Variants in IDUA observed in about 807,000 individuals in gnomAD.
The protein encoded by IDUA is alpha-L-iduronidase, also known as iduronidase alpha-L-.
IDUA carries 65 observed loss-of-function variants against 68.9 expected under a neutral mutation model. That is an observed-to-expected ratio of 0.94 (90% CI 0.77 to 1.16). IDUA has a LOEUF of 1.16. IDUA is among the 50% of genes most tolerant of loss of function. The probability of loss-of-function intolerance (pLI) is 0.00; values close to 1 mark genes in which losing one functional copy is unlikely to be tolerated. For synonymous variants in IDUA, 529 were observed against 433.6 expected (o/e 1.22, Z -2.73); for missense variants, 1,046 against 938.0 (o/e 1.12, Z -1.50).
chr4:998,986 C>G (rs561033169), intron 2 of IDUA, among the ~76,000 whole-genome samples: 1 of 151,986 alleles, frequency 6.6e-6, no homozygotes, highest in African/African-American at 2.4e-5. Context: ...GGGCGGATCA[C>G]GAGGTCAGGA....
intron 2 of IDUA, chr4:991,731 C>T (rs1315552290): frequency 6.5e-7 from 1 of 1,529,570 alleles, no homozygotes; most frequent in South Asian, 1.2e-5. Flanking sequence ...CGTGGCCGAC[C>T]TGCGGCCGAG....
intron 1 of IDUA, 42 bp downstream of exon 1, chr4:987,284 G>GA (rs1377297815): frequency 8.0e-6 from 12 of 1,499,214 alleles, no homozygotes; most frequent in Non-Finnish European, 1.1e-5. Context: ...GCCGCACGGG[G>GA]AGAGCTCGGG....
At chr4:991,527 C>G (rs1387025958) in intron 2 of IDUA, 1 of 1,606,816 alleles carries the variant, frequency 6.2e-7, no homozygotes, top group Non-Finnish European at 8.5e-7. Context: ...ACTGACGCAG[C>G]CAGCGCGTGG....
chr4:988,888 A>C, intron 2 of IDUA: 1 of 1,602,226 alleles, frequency 6.2e-7, no homozygotes, highest in Admixed American at 1.7e-5. Context: ...TGCTGTCTGC[A>C]CGGCATCGTG....
At chr4:988,982 C>T in intron 2 of IDUA, 1 of 1,595,080 alleles carries the variant, frequency 6.3e-7, no homozygotes, top group Non-Finnish European at 8.5e-7. Flanking sequence ...ATGTCTCTCA[C>T]AGGCGGGCTG....
chr4:1,002,919 G>A lies in IDUA; in HGVS notation c.1377G>A (p.Arg459=). The A allele has an allele frequency of 2.9e-6, 4 of 1,367,702 alleles. No individual in the cohort carries two copies. In the South Asian group the frequency reaches 5.2e-5, roughly 18 times the overall value. The allele number at this position is 1,367,702 out of a possible 1,614,324, so 84.7% of individuals were successfully genotyped here. ...ACCGCAGCGTCGCGGTGACCCTGCG[G>A]CTGCGCGGGGTGCCCCCCGGCCCGG... ...HPNRSVAVTL[R]LRGVPPGPGL... The change falls in exon 9 of 14, where the codon CGG becomes CGA. Residue 459 remains arginine, a synonymous_variant. Transcript: ENST00000514224.
chr4:991,343 C>T (rs1370231690), intron 2 of IDUA: 2 of 1,612,772 alleles, frequency 1.2e-6, no homozygotes, highest in Non-Finnish European at 1.7e-6. Flanking sequence ...CCCACGGAGA[C>T]ATGCCGTGAG....
chr4:990,528 T>A, intron 2 of IDUA: 1 of 672,450 alleles, frequency 1.5e-6, no homozygotes. Flanking sequence ...GCCTGAGTTC[T>A]GGTTCCACGC....
intron 2 of IDUA, chr4:988,836 C>A: frequency 1.9e-6 from 3 of 1,591,410 alleles, no homozygotes; most frequent in Non-Finnish European, 2.6e-6. Context: ...GGCCCTGCTA[C>A]AGATGGGCAT....
At chr4:998,783 A>ACCCCCCCCCCCCCCC (rs148444493) in intron 2 of IDUA, among the ~76,000 whole-genome samples, 1 of 120,752 alleles carries the variant, frequency 8.3e-6, no homozygotes, top group African/African-American at 3.3e-5. Flanking sequence ...CGACCCCCCG[A>ACCCCCCCCCCCCCCC]CCCCCCACCT....
At chr4:1,000,741 G>A in intron 3 of IDUA, 44 bp downstream of exon 3, 1 of 1,518,720 alleles carries the variant, frequency 6.6e-7, no homozygotes, top group Non-Finnish European at 9.1e-7. Flanking sequence ...GCACCCCCTT[G>A]CCCTGCCCAC....
chr4:987,387 T>G, intron 1 of IDUA, 145 bp downstream of exon 1: 1 of 882,094 alleles, frequency 1.1e-6, no homozygotes, highest in Non-Finnish European at 1.6e-6. Flanking sequence ...GCCGTGTTTG[T>G]GGGTGGGTCC....
chr4:989,693 T>C (rs1212494075), intron 2 of IDUA: 3 of 1,562,270 alleles, frequency 1.9e-6, no homozygotes, highest in South Asian at 2.4e-5. Flanking sequence ...CTGACCACGC[T>C]GGACAGCTGT....
At chr4:993,773 C>T (rs937494496) in intron 2 of IDUA, among the ~76,000 whole-genome samples, 5 of 152,206 alleles carry the variant, frequency 3.3e-5, no homozygotes, top group African/African-American at 4.8e-5. Flanking sequence ...GTCCAGTCGC[C>T]GGACACCCTC....
At chr4:1,000,424 G>A (rs548994154) in intron 2 of IDUA, among the ~76,000 whole-genome samples, 188 bp from the exon 3 acceptor site, 2 of 152,262 alleles carry the variant, frequency 1.3e-5, no homozygotes, top group East Asian at 3.9e-4. Flanking sequence ...TCCATGTACA[G>A]ATACTCTAGT....
At chr4:991,668 T>A in intron 2 of IDUA, 1 of 1,539,044 alleles carries the variant, frequency 6.5e-7, no homozygotes, top group South Asian at 1.2e-5. Flanking sequence ...GCACCGGCCC[T>A]CTGCCCTGCT....
chr4:992,154 G>A (rs1714408968), intron 2 of IDUA: 1 of 470,488 alleles, frequency 2.1e-6, no homozygotes, highest in South Asian at 1.5e-5. Context: ...CCTACCGTCA[G>A]AATGTCACAG....
At position 1,002,319 on chromosome 4, in the gene IDUA, C is replaced by T. The variant is rs761163133; in HGVS notation, c.1023C>T (p.Phe341=). The change falls in exon 8 of 14, where the codon TTC becomes TTT. Residue 341 remains phenylalanine, a synonymous_variant. Coordinates refer to ENST00000514224, the MANE Select transcript of IDUA (RefSeq NM_000203.5). ...TACTGGCCAACACCACCTCCGCCTT[C>T]CCCTACGCGCTCCTGAGCAACGACA... ...NLLLANTTSA[F]PYALLSNDNA... 1.8e-5 allele frequency: 29 copies of T among 1,613,086 alleles called. No individual in the cohort carries two copies. The highest frequency in any genetic ancestry group is 2.7e-5 in the African/African-American group (2 of 74,938).
chr4:1,003,371 C>T lies in IDUA; in HGVS notation c.1551C>T (p.Pro517=), dbSNP rs892707514. 1 of 1,489,186 alleles carries T rather than the reference C, an allele frequency of 6.7e-7. No individual in the cohort carries two copies. The highest frequency in any genetic ancestry group is 2.7e-5 in the East Asian group (1 of 36,404). The allele number at this position is 1,489,186 out of a possible 1,614,324, so 92.2% of individuals were successfully genotyped here. A position where few individuals can be genotyped will look rare whatever the true frequency, so the allele number is the denominator to read the frequency against. The change falls in exon 11 of 14, where the codon CCC becomes CCT. Residue 517 remains proline, a synonymous_variant. Transcript: ENST00000514224. ...ACCCGGTGGCCGCGGCGCCCCGCCCCTTACCCGCCGGCGGCCGCCTGACCC... is the reference window on the plus strand; with the variant it reads ...ACCCGGTGGCCGCGGCGCCCCGCCCTTTACCCGCCGGCGGCCGCCTGACCC... ...AEDPVAAAPR[P]LPAGGRLTLR...
Sources: allele counts gnomAD v4.1 joint callset (sites outside exome capture counted in the v4.1 genomes callset), GRCh38; gene constraint gnomAD v4.1.1; transcripts MANE v1.5; gene names NCBI Gene and HGNC (gene_info 2026-07-23, HGNC 2026-07-21).